The following KCNAB1 variants were observed in gnomAD, a reference collection of about 807,000 sequenced individuals.
KCNAB1 encodes the protein potassium voltage-gated channel subfamily A regulatory beta subunit 1, also known as voltage-gated potassium channel subunit beta-1.
KCNAB1 carries 35 observed loss-of-function variants against 64.6 expected under a neutral mutation model. The observed-to-expected ratio is 0.54, with a 90% CI of 0.41 to 0.72. KCNAB1 has a LOEUF of 0.72. KCNAB1 is among the 30% of genes least tolerant of loss of function. The probability of loss-of-function intolerance (pLI) is 0.00; values close to 1 mark genes in which losing one functional copy is unlikely to be tolerated. For missense variants in KCNAB1, 401 were observed against 512.9 expected, an observed-to-expected ratio of 0.78 and a Z score of 2.11; for synonymous variants, 177 against 183.8, an observed-to-expected ratio of 0.96 and a Z score of 0.30.
chr3:156,440,768 G>A (rs1032565508), intron 2 of KCNAB1, among the ~76,000 whole-genome samples: 4 of 152,026 alleles, frequency 2.6e-5, no homozygotes, highest in East Asian at 1.9e-4. Flanking sequence ...TTTTTAAGCC[G>A]AAATCATTAA....
At chr3:156,152,091 C>T (rs181569534) in intron 1 of KCNAB1, among the ~76,000 whole-genome samples, 2 of 152,332 alleles carry the variant, frequency 1.3e-5, no homozygotes, top group Non-Finnish European at 2.9e-5. Context: ...GTGTCTCCCA[C>T]AGCTACCCAG....
intron 1 of KCNAB1, among the ~76,000 whole-genome samples, chr3:156,180,951 G>A (rs1712767934): frequency 6.6e-6 from 1 of 152,184 alleles, no homozygotes; most frequent in Non-Finnish European, 1.5e-5. Flanking sequence ...GACAGTGGAA[G>A]TCTGAGATCA....
chr3:156,497,306 G>T (rs546176748), intron 8 of KCNAB1, among the ~76,000 whole-genome samples: 97 of 150,226 alleles, frequency 6.5e-4, no homozygotes, highest in Non-Finnish European at 1.2e-3. Context: ...CAGGAAGGAA[G>T]GCCAGCTCTA....
At chr3:156,225,817 C>T (rs1191836051) in intron 1 of KCNAB1, among the ~76,000 whole-genome samples, 1 of 152,120 alleles carries the variant, frequency 6.6e-6, no homozygotes, top group East Asian at 1.9e-4. Context: ...CAACTCCTTT[C>T]ACGATAGCTG....
rs947987416 is a variant in KCNAB1, at chr3:156,357,185, A to C, written c.276-64431A>C. On this transcript the variant is annotated intron_variant, in intron 1 of 13. Transcript: ENST00000490337. ...CACACACACACACACACACACACAC[A>C]CCCCTGTTCTGAAACTCGATTATCT... Among the ~76,000 whole-genome samples, 16 of 149,388 alleles carry C rather than the reference A, an allele frequency of 1.1e-4. No individual in the cohort carries two copies. The East Asian group carries it at 2.1e-3, about 20-fold the overall frequency.
intron 1 of KCNAB1, among the ~76,000 whole-genome samples, chr3:156,367,040 C>T (rs1725985592): frequency 6.6e-6 from 1 of 152,006 alleles, no homozygotes; most frequent in Non-Finnish European, 1.5e-5. Context: ...AGTACCTGGG[C>T]AGGTTGATTA....
chr3:156,532,497 C>G (rs1718770080), intron 13 of KCNAB1, among the ~76,000 whole-genome samples: 1 of 152,222 alleles, frequency 6.6e-6, no homozygotes, highest in Admixed American at 6.5e-5. Context: ...TCTTCCCTAT[C>G]TACCTGTCCC....
rs1248870203 is a variant in KCNAB1, at chr3:156,195,068, G to A, written c.275+74182G>A. Among the ~76,000 whole-genome samples the A allele has an allele frequency of 4.6e-5, 7 of 152,148 alleles. No homozygotes were observed. The South Asian group carries it at 1.5e-3, about 32-fold the overall frequency. On this transcript the variant is annotated intron_variant, in intron 1 of 13. Transcript: ENST00000490337. ...TTCTGTTCCTGTGTTAGTTTGCTGAGAATGATGGTTTCCAGCTTCATCCAT... is the reference window on the plus strand; with the variant it reads ...TTCTGTTCCTGTGTTAGTTTGCTGAAAATGATGGTTTCCAGCTTCATCCAT...
chr3:156,332,612 G>T (rs916401335), intron 1 of KCNAB1, among the ~76,000 whole-genome samples: 7 of 152,086 alleles, frequency 4.6e-5, no homozygotes, highest in African/African-American at 1.7e-4. Flanking sequence ...CGGGACCAAG[G>T]CTTCCATGCT....
intron 2 of KCNAB1, among the ~76,000 whole-genome samples, chr3:156,432,940 G>A (rs1716333527): frequency 6.6e-6 from 1 of 152,176 alleles, no homozygotes; most frequent in Non-Finnish European, 1.5e-5. Flanking sequence ...CTTCCAGGGA[G>A]GACTGGTTGG....
chr3:156,354,469 C>T (rs910236541), intron 1 of KCNAB1, among the ~76,000 whole-genome samples: 1 of 151,740 alleles, frequency 6.6e-6, no homozygotes, highest in Non-Finnish European at 1.5e-5. Context: ...CCCATAATAT[C>T]CTTAAAGACA....
chr3:156,352,692 TG>T (rs1724936641), intron 1 of KCNAB1, among the ~76,000 whole-genome samples: 1 of 152,216 alleles, frequency 6.6e-6, no homozygotes, highest in African/African-American at 2.4e-5. Context: ...TCACACTCGA[TG>T]GGTCTTCTCC....
intron 1 of KCNAB1, among the ~76,000 whole-genome samples, chr3:156,289,011 C>G (rs187009817): frequency 6.6e-6 from 1 of 152,308 alleles, no homozygotes; most frequent in East Asian, 1.9e-4. Context: ...CTGCTATGCA[C>G]AAGGCACTCT....
chr3:156,373,771 G>A (rs1243545924), intron 1 of KCNAB1, among the ~76,000 whole-genome samples: 2 of 152,202 alleles, frequency 1.3e-5, no homozygotes, highest in South Asian at 2.1e-4. Flanking sequence ...ACGGCCATCA[G>A]CCTTGTACCA....
chr3:156,265,722 C>T (rs1309094027), intron 1 of KCNAB1, among the ~76,000 whole-genome samples: 4 of 152,166 alleles, frequency 2.6e-5, no homozygotes, highest in African/African-American at 9.7e-5. Context: ...AGGCCGGGTG[C>T]AGTGGCTCAT....
intron 13 of KCNAB1, among the ~76,000 whole-genome samples, chr3:156,531,810 T>C (rs916840135): frequency 1.3e-5 from 2 of 152,236 alleles, no homozygotes; most frequent in African/African-American, 2.4e-5. Flanking sequence ...ATTTAAGTCA[T>C]AGGACAATAT....
At chr3:156,229,951 T>C (rs2108432869) in intron 1 of KCNAB1, among the ~76,000 whole-genome samples, 1 of 152,352 alleles carries the variant, frequency 6.6e-6, no homozygotes, top group African/African-American at 2.4e-5. Flanking sequence ...AACATTTAGT[T>C]AGACATCTAA....
intron 1 of KCNAB1, among the ~76,000 whole-genome samples, chr3:156,233,424 A>G (rs1716651644): frequency 2.0e-5 from 3 of 152,180 alleles, no homozygotes; most frequent in Non-Finnish European, 2.9e-5. Flanking sequence ...GAGTGTGTCC[A>G]ATGAACTGAA....
chr3:156,524,011 G>A, intron 12 of KCNAB1, 64 bp downstream of exon 12: 1 of 1,475,844 alleles, frequency 6.8e-7, no homozygotes, highest in Non-Finnish European at 9.3e-7. Context: ...GTTTTCTATT[G>A]CTGACCACAC....
Sources: gnomAD v4.1 joint callset for allele counts (sites outside exome capture counted in the v4.1 genomes callset) on GRCh38, gnomAD v4.1.1 for gene constraint, MANE v1.5 for transcripts, NCBI Gene and HGNC (gene_info 2026-07-23, HGNC 2026-07-21) for gene names.